The following ANKFN1 variants were observed in gnomAD, a reference collection of about 807,000 sequenced individuals.
ANKFN1 encodes the protein ankyrin repeat and fibronectin type III domain containing 1.
In ANKFN1, 74 loss-of-function variants were observed where a neutral mutation model predicts 108.7. That is an observed-to-expected ratio of 0.68 (90% CI 0.56 to 0.83). The LOEUF (loss-of-function observed/expected upper bound fraction) is 0.83. ANKFN1 is among the 40% of genes least tolerant of loss of function. The pLI, the probability that ANKFN1 is intolerant of heterozygous loss-of-function variation, is 0.00. For missense variants in ANKFN1, 1,505 were observed against 1,382.3 expected, an observed-to-expected ratio of 1.09 and a Z score of -1.41; for synonymous variants, 547 against 516.2, an observed-to-expected ratio of 1.06 and a Z score of -0.81.
chr17:56,440,343 C>G lies in ANKFN1; in HGVS notation c.927C>G (p.Ser309=), dbSNP rs753825231. Residue 309 remains serine (S), a synonymous_variant, in exon 9 of 21, where the codon TCC becomes TCG. Transcript: ENST00000682825. ...TCCCTCCAGTGGAATGGAGTATGTC[C>G]GAAGACTTTTCTCCTTTGGCTGGAG... ...VTRYKVEWSM[S]EDFSPLAGEI... 2 of 1,611,702 alleles carry G rather than the reference C, an allele frequency of 1.2e-6. No individual in the cohort carries two copies. The highest frequency in any genetic ancestry group is 1.7e-5 in the Admixed American group (1 of 59,870).
chr17:56,224,462 G>C (rs1175974327), intron 2 of ANKFN1, among the ~76,000 whole-genome samples: 3 of 152,068 alleles, frequency 2.0e-5, no homozygotes, highest in African/African-American at 7.2e-5. Context: ...AAGAGGAATA[G>C]GTATATAGAA....
intron 1 of ANKFN1, among the ~76,000 whole-genome samples, chr17:56,208,387 G>A (rs970125852): frequency 6.6e-6 from 1 of 152,170 alleles, no homozygotes; most frequent in African/African-American, 2.4e-5. Context: ...TGTTGTATGT[G>A]CATTATAGGA....
chr17:56,112,256 G>C (rs1317672720), intron 4 of ANKFN1, among the ~76,000 whole-genome samples: 1 of 152,064 alleles, frequency 6.6e-6, no homozygotes, highest in Non-Finnish European at 1.5e-5. Flanking sequence ...TCCTGAGGGA[G>C]TTGACTTACA....
At chr17:56,475,789 C>T (rs758855576) in intron 15 of ANKFN1, among the ~76,000 whole-genome samples, 1 of 152,112 alleles carries the variant, frequency 6.6e-6, no homozygotes, top group Non-Finnish European at 1.5e-5. Flanking sequence ...AGTTGTTTAA[C>T]CCTTGTTTTT....
intron 13 of ANKFN1, 69 bp from the exon 14 acceptor site, chr17:56,457,794 G>T: frequency 8.4e-7 from 1 of 1,194,422 alleles, no homozygotes; most frequent in Non-Finnish European, 1.2e-6. Flanking sequence ...TCCCTGCTTT[G>T]CTTTGATGCC....
chr17:56,394,243 C>T (rs1442295406), intron 8 of ANKFN1, among the ~76,000 whole-genome samples: 1 of 152,194 alleles, frequency 6.6e-6, no homozygotes, highest in Non-Finnish European at 1.5e-5. Context: ...TGCCCCTTGT[C>T]TTCAGTTTCA....
intron 4 of ANKFN1, among the ~76,000 whole-genome samples, chr17:56,341,803 G>A (rs958523744): frequency 6.6e-6 from 1 of 151,906 alleles, no homozygotes; most frequent in East Asian, 1.9e-4. Flanking sequence ...TTGGTATCAG[G>A]GTGATGCTGG....
intron 3 of ANKFN1, among the ~76,000 whole-genome samples, chr17:56,299,861 G>A (rs62073046): frequency 0.11 from 17,159 of 152,184 alleles, 1,051 homozygotes; most frequent in African/African-American, 0.17. Context: ...GCATTTGTTC[G>A]TTGGCTAAAT....
chr17:56,103,007 T>C (rs974953139), intron 4 of ANKFN1, among the ~76,000 whole-genome samples: 3 of 152,218 alleles, frequency 2.0e-5, no homozygotes, highest in African/African-American at 7.2e-5. Flanking sequence ...TGCAGCAAAA[T>C]ATGTAAATGA....
At chr17:56,322,095 A>G (rs1024013765) in intron 3 of ANKFN1, among the ~76,000 whole-genome samples, 1 of 152,170 alleles carries the variant, frequency 6.6e-6, no homozygotes, top group Admixed American at 6.5e-5. Flanking sequence ...GCACATTGAC[A>G]TGACTCCAAG....
intron 4 of ANKFN1, among the ~76,000 whole-genome samples, chr17:56,066,370 C>T (rs1052995097): frequency 2.0e-5 from 3 of 152,164 alleles, no homozygotes; most frequent in African/African-American, 7.2e-5. Flanking sequence ...CCACAGGTGG[C>T]TGCTGAGCAT....
chr17:56,047,308 T>C (rs956607918), intron 4 of ANKFN1, among the ~76,000 whole-genome samples: 1 of 151,818 alleles, frequency 6.6e-6, no homozygotes, highest in African/African-American at 2.4e-5. Flanking sequence ...TGTCTAGATA[T>C]TTGGGAATCT....
chr17:56,400,955 T>C (rs1392354275), intron 8 of ANKFN1, among the ~76,000 whole-genome samples: 1 of 152,202 alleles, frequency 6.6e-6, no homozygotes, highest in African/African-American at 2.4e-5. Flanking sequence ...TGTACCTATT[T>C]TTATGCGAGT....
intron 3 of ANKFN1, among the ~76,000 whole-genome samples, chr17:56,246,517 T>C (rs938097385): frequency 6.6e-6 from 1 of 150,676 alleles, no homozygotes; most frequent in Non-Finnish European, 1.5e-5. Context: ...TTTCTTAGTA[T>C]TTTCTTTACA....
At chr17:56,166,964 T>C (rs1274008734) in intron 1 of ANKFN1, among the ~76,000 whole-genome samples, 4 of 152,110 alleles carry the variant, frequency 2.6e-5, no homozygotes, top group African/African-American at 9.7e-5. Flanking sequence ...TGAATCTCTT[T>C]AATTATTGGA....
At chr17:56,417,814 C>T (rs1039769903) in intron 8 of ANKFN1, among the ~76,000 whole-genome samples, 1 of 152,076 alleles carries the variant, frequency 6.6e-6, no homozygotes, top group African/African-American at 2.4e-5. Context: ...TTTTTTTGCC[C>T]TGTGTTATAA....
At chr17:56,126,283 GA>G (rs965692469) in intron 4 of ANKFN1, among the ~76,000 whole-genome samples, 6 of 102,340 alleles carry the variant, frequency 5.9e-5, no homozygotes, top group African/African-American at 1.3e-4. Flanking sequence ...GAACACTCAG[GA>G]AAAAAAAAGG....
chr17:56,129,885 A>G (rs1322381281), intron 4 of ANKFN1, among the ~76,000 whole-genome samples: 1 of 152,246 alleles, frequency 6.6e-6, no homozygotes, highest in African/African-American at 2.4e-5. Context: ...ATTAGTCAAA[A>G]TACAGAGAAA....
intron 8 of ANKFN1, among the ~76,000 whole-genome samples, chr17:56,401,800 AC>A (rs1268988386): frequency 6.6e-6 from 1 of 151,972 alleles, no homozygotes; most frequent in African/African-American, 2.4e-5. Flanking sequence ...TCAACTGTTA[AC>A]CATTCAGTAT....
Sources: allele counts gnomAD v4.1 joint callset (sites outside exome capture counted in the v4.1 genomes callset), GRCh38; gene constraint gnomAD v4.1.1; transcripts MANE v1.5; gene names NCBI Gene and HGNC (gene_info 2026-07-23, HGNC 2026-07-21).